The following KCTD1 variants were observed in gnomAD, a reference collection of about 807,000 sequenced individuals.
The protein encoded by KCTD1 is potassium channel tetramerization domain containing 1.
In KCTD1, 24 loss-of-function variants were observed where a neutral mutation model predicts 66.0. That is an observed-to-expected ratio of 0.36 (90% CI 0.26 to 0.51). The LOEUF (loss-of-function observed/expected upper bound fraction) is 0.51. KCTD1 is among the 20% of genes least tolerant of loss of function. The pLI, the probability that KCTD1 is intolerant of heterozygous loss-of-function variation, is 0.95. For synonymous variants in KCTD1, 511 were observed against 517.2 expected (o/e 0.99, Z 0.16); for missense variants, 943 against 1,205.2 (o/e 0.78, Z 3.22).
In KCTD1 at chr18:26,460,727, T is replaced by C. The variant is rs1316698154; in HGVS notation, c.2134-802A>G. 3.9e-5 allele frequency: 6 copies of C among 152,362 alleles called. No individual in the cohort carries two copies. In the East Asian group the frequency reaches 1.2e-3, roughly 29 times the overall value. 9.4% of individuals were successfully genotyped at this position (152,362 alleles called of 1,614,324 possible). A position where few individuals can be genotyped will look rare whatever the true frequency, so the allele number is the denominator to read the frequency against. ...AGCAAGAACACCTGGTCTTTTGGCA[T>C]GGTTTCCTTTCCTCCAGCCTTAAAA... On this transcript the variant is annotated intron_variant, in intron 3 of 4. Coordinates refer to ENST00000580059, the MANE Select transcript of KCTD1 (RefSeq NM_001142730.3).
At chr18:26,461,184 G>A (rs1290765214) in intron 3 of KCTD1, among the ~76,000 whole-genome samples, 1 of 152,214 alleles carries the variant, frequency 6.6e-6, no homozygotes, top group Non-Finnish European at 1.5e-5. Context: ...TGCAAATCAA[G>A]CAATAGCAGC....
At chr18:26,501,997 A>G (rs1567970291) in intron 1 of KCTD1, among the ~76,000 whole-genome samples, 1 of 152,260 alleles carries the variant, frequency 6.6e-6, no homozygotes, top group East Asian at 1.9e-4. Flanking sequence ...GAGCAAACAG[A>G]CCAGAATGAG....
chr18:26,552,654 A>G (rs990716662), upstream of KCTD1, among the ~76,000 whole-genome samples: 7 of 152,218 alleles, frequency 4.6e-5, no homozygotes, highest in Non-Finnish European at 1.0e-4. Flanking sequence ...CATGCTTTAG[A>G]AACTTATTGC....
chr18:26,458,078 C>G (rs1250647807), intron 4 of KCTD1: 2 of 152,390 alleles, frequency 1.3e-5, no homozygotes, highest in Non-Finnish European at 2.9e-5. Context: ...CTGAGGCCGT[C>G]TCAGGAACGC....
chr18:26,554,106 A>G (rs565064694), intron 1 of KCTD1, among the ~76,000 whole-genome samples: 2 of 137,562 alleles, frequency 1.5e-5, no homozygotes, highest in Admixed American at 7.1e-5. Flanking sequence ...AAAAGAAGGA[A>G]GGAGGGAAAG....
intron 1 of KCTD1, among the ~76,000 whole-genome samples, chr18:26,564,021 T>C (rs904046670): frequency 1.6e-5 from 2 of 125,444 alleles, no homozygotes; most frequent in Admixed American, 1.6e-4. Flanking sequence ...GAGAGGGGCT[T>C]TTTTTTTTTT....
At chr18:26,488,151 T>C (rs1186864461) in intron 2 of KCTD1, among the ~76,000 whole-genome samples, 1 of 152,214 alleles carries the variant, frequency 6.6e-6, no homozygotes, top group African/African-American at 2.4e-5. Flanking sequence ...TTCTAATCGT[T>C]ATAGACATCA....
intron 2 of KCTD1, among the ~76,000 whole-genome samples, chr18:26,495,706 T>C (rs1161721088): frequency 6.6e-6 from 1 of 152,140 alleles, no homozygotes; most frequent in Non-Finnish European, 1.5e-5. Context: ...GTTGGATGGC[T>C]GAGGGGACTG....
At chr18:26,501,295 AG>A in intron 1 of KCTD1, 45 bp from the exon 2 acceptor site, 1 of 1,521,432 alleles carries the variant, frequency 6.6e-7, no homozygotes. Context: ...TCTTTACAGT[AG>A]AAAGATAGGA....
At chr18:26,546,136 A>C (rs1285685700) in intron 1 of KCTD1, among the ~76,000 whole-genome samples, 1 of 149,196 alleles carries the variant, frequency 6.7e-6, no homozygotes, top group African/African-American at 2.5e-5. Context: ...TGGAAATTGC[A>C]CCCCACACTG....
chr18:26,630,245 A>T (rs1339098389), upstream of KCTD1, among the ~76,000 whole-genome samples: 2 of 152,164 alleles, frequency 1.3e-5, no homozygotes, highest in African/African-American at 2.4e-5. Flanking sequence ...CCCAGTTTTT[A>T]AAAAAATCCA....
intron 1 of KCTD1, among the ~76,000 whole-genome samples, chr18:26,655,076 C>T (rs2145086470): frequency 6.6e-6 from 1 of 152,334 alleles, no homozygotes; most frequent in Admixed American, 6.5e-5. Context: ...AGGTGAATTC[C>T]TTGATGCAGA....
At chr18:26,564,181 A>C (rs1985928813) in intron 1 of KCTD1, among the ~76,000 whole-genome samples, 2 of 152,150 alleles carry the variant, frequency 1.3e-5, no homozygotes, top group Admixed American at 6.5e-5. Flanking sequence ...AAGGAGAAGG[A>C]CTGGGATGCT....
intron 2 of KCTD1, among the ~76,000 whole-genome samples, chr18:26,484,324 T>C (rs1018967368): frequency 6.6e-6 from 1 of 152,192 alleles, no homozygotes; most frequent in Non-Finnish European, 1.5e-5. Context: ...TATGAGGAGA[T>C]AATGTTTCTA....
intron 1 of KCTD1, chr18:26,599,943 G>C (rs1986851672): frequency 1.3e-6 from 2 of 1,595,570 alleles, no homozygotes; most frequent in African/African-American, 1.3e-5. Context: ...CCATCACCAA[G>C]AAGTCTTCTC....
upstream of KCTD1, among the ~76,000 whole-genome samples, chr18:26,629,870 A>G (rs1987580858): frequency 6.6e-6 from 1 of 152,108 alleles, no homozygotes; most frequent in Non-Finnish European, 1.5e-5. Flanking sequence ...GATGTCTGCC[A>G]CCATGACCAG....
intron 1 of KCTD1, among the ~76,000 whole-genome samples, chr18:26,522,926 A>G (rs1983981625): frequency 6.6e-6 from 1 of 152,200 alleles, no homozygotes; most frequent in South Asian, 2.1e-4. Context: ...TAGATTTTAA[A>G]CATCTCCCAC....
At chr18:26,535,971 C>CAAAAAAAAAAA (rs36119174) in intron 1 of KCTD1, among the ~76,000 whole-genome samples, 16 of 122,794 alleles carry the variant, frequency 1.3e-4, no homozygotes, top group Non-Finnish European at 1.8e-4. Context: ...GTGATTCCTC[C>CAAAAAAAAAAA]AAAAAAAAAA....
chr18:26,514,586 A>G (rs1983552703), intron 1 of KCTD1, among the ~76,000 whole-genome samples: 1 of 148,928 alleles, frequency 6.7e-6, no homozygotes, highest in Non-Finnish European at 1.5e-5. Flanking sequence ...TGGCAGAGAG[A>G]TGTTGGAAGG....
Sources: gnomAD v4.1 joint callset for allele counts (sites outside exome capture counted in the v4.1 genomes callset) on GRCh38, gnomAD v4.1.1 for gene constraint, MANE v1.5 for transcripts, NCBI Gene and HGNC (gene_info 2026-07-23, HGNC 2026-07-21) for gene names.